Variants in SLC30A10 observed in about 807,000 individuals in gnomAD.
SLC30A10 encodes the protein solute carrier family 30 member 10.
In SLC30A10, 8 loss-of-function variants were observed where a neutral mutation model predicts 21.7. The ratio of observed to expected loss-of-function variants is 0.37; its 90% CI spans 0.22 to 0.67. The LOEUF is 0.67. Ranked by LOEUF, SLC30A10 falls within the 30% of genes least tolerant of loss-of-function variation. The probability of loss-of-function intolerance (pLI) is 0.58; values close to 1 mark genes in which losing one functional copy is unlikely to be tolerated. For missense variants in SLC30A10, 521 were observed against 642.5 expected (o/e 0.81, Z 2.04); for synonymous variants, 272 against 279.4 (o/e 0.97, Z 0.26).
Position 219,928,477 on chromosome 1 carries a change from G to A in SLC30A10, c.-37C>T. On this transcript the variant is annotated 5_prime_UTR_variant, in exon 1 of 4. Coordinates refer to ENST00000366926, the MANE Select transcript of SLC30A10 (RefSeq NM_018713.3). This position sits in a 1 kb window ranked among gnomAD's most constrained non-coding sequence, Gnocchi z 6.3. ...CCCCGGGCGCCCGGCGCCGCCCAGG[G>A]GAGCGCAGCCCACCCCGCGCGCAGC... 6.6e-7 allele frequency: 1 copy of A among 1,512,270 alleles called. No homozygotes were observed. The highest frequency in any genetic ancestry group is 8.8e-7 in the Non-Finnish European group (1 of 1,130,812). 93.7% of individuals were successfully genotyped at this position (1,512,270 alleles called of 1,614,324 possible).
Position 219,917,708 on chromosome 1 carries a change from C to CTTTTTTTT in SLC30A10, c.958+539_958+546dup, listed in dbSNP as rs35106027. On this transcript the variant is annotated intron_variant, in intron 3 of 3. Transcript: ENST00000366926. ...TGCATTCTTTTCTTTTTTTTCTTTC[C>CTTTTTTTT]TTTTTTTTTTTTTTTTTTTTGAGTC... 4.4e-4 allele frequency among the ~76,000 whole-genome samples: 46 copies of CTTTTTTTT among 104,076 alleles called. 2 individuals are homozygous for CTTTTTTTT. The highest frequency in any genetic ancestry group is 1.3e-3 in the African/African-American group (31 of 24,534). 68.3% of individuals were successfully genotyped at this position (104,076 alleles called of 152,430 possible).
chr1:219,922,218 T>G (rs1478733219), intron 2 of SLC30A10, among the ~76,000 whole-genome samples: 13 of 77,094 alleles, frequency 1.7e-4, no homozygotes, highest in African/African-American at 3.3e-4. Flanking sequence ...TTTTTTTTTT[T>G]TTTTTTTTTT....
chr1:219,928,095 C>A lies in SLC30A10; in HGVS notation c.346G>T (p.Val116Leu). The A allele has an allele frequency of 6.3e-7, 1 of 1,583,730 alleles. No homozygotes were observed. Among genetic ancestry groups the A allele is most frequent in the Non-Finnish European group, 8.6e-7 (1 of 1,166,158 alleles). Residue 116 changes from valine (V) to leucine (L), a missense_variant, in exon 1 of 4, where the codon GTG (valine) becomes TTG (leucine). By Grantham distance (32) the Val-to-Leu change is conservative. Transcript: ENST00000366926. This position sits in a 1 kb window ranked among gnomAD's most constrained non-coding sequence, Gnocchi z 6.3. ...RPERIDDPEL[V>L]LIVGVLGLLV... ...AGCCCCAGGACGCCGACGATGAGCA[C>A]CAGCTCGGGGTCATCGATGCGCTCG...
intron 1 of SLC30A10, among the ~76,000 whole-genome samples, chr1:219,945,908 C>A (rs1660181228): frequency 6.6e-6 from 1 of 152,142 alleles, no homozygotes. Flanking sequence ...GGAAAACAAT[C>A]CAGACTGAAA....
At position 219,915,952 on chromosome 1, in the gene SLC30A10, T is replaced by C. The variant is rs766759426; in HGVS notation, c.959-4A>G. The C allele has an allele frequency of 4.4e-6, 7 of 1,607,196 alleles. No homozygotes were observed. In the East Asian group the frequency reaches 1.1e-4, roughly 26 times the overall value. ...GGCACAGCAGAGAGTTTACTCACTA[T>C]AACAGAGAAGAGCAAACAAAAGCCA... On this transcript the variant is annotated splice_polypyrimidine_tract_variant and splice_region_variant and intron_variant, in intron 3 of 3. Coordinates refer to ENST00000366926, the MANE Select transcript of SLC30A10 (RefSeq NM_018713.3).
intron 1 of SLC30A10, among the ~76,000 whole-genome samples, chr1:219,955,957 T>C (rs1194588775): frequency 1.3e-5 from 2 of 152,216 alleles, no homozygotes; most frequent in Non-Finnish European, 2.9e-5. Flanking sequence ...GTTCTTAAAA[T>C]GTGAGCCAAT....
rs77716499 is a variant in SLC30A10 at position 219,910,751 on chromosome 1, G to T, written c.*4698C>A. On this transcript the variant is annotated 3_prime_UTR_variant, in exon 4 of 4. Transcript: ENST00000366926. ...TTGTTCTCATTAGAGTGCAGAGTAG[G>T]TGCAGTGTCTGGCATGGCTTTGTAC... Among the ~76,000 whole-genome samples the T allele has an allele frequency of 0.019, 2,879 of 152,262 alleles. 95 individuals carry two copies. Among genetic ancestry groups the T allele is most frequent in the African/African-American group, 0.065 (2,703 of 41,530 alleles).
upstream of SLC30A10, among the ~76,000 whole-genome samples, chr1:219,933,484 T>A (rs1417622292): frequency 1.3e-5 from 2 of 152,228 alleles, no homozygotes; most frequent in Admixed American, 1.3e-4. Context: ...TGCTTCTCAC[T>A]TGCAACTGCT....
chr1:219,926,031 C>G (rs1659817697), intron 2 of SLC30A10, among the ~76,000 whole-genome samples: 1 of 152,000 alleles, frequency 6.6e-6, no homozygotes, highest in Non-Finnish European at 1.5e-5. Flanking sequence ...ATTACAGATT[C>G]TCTTTTAAAA....
At chr1:219,928,641 G>A (rs1571803585), upstream of SLC30A10, 3 of 514,754 alleles carry the variant, frequency 5.8e-6, no homozygotes, top group African/African-American at 4.1e-5. This position sits in a 1 kb window ranked among gnomAD's most constrained non-coding sequence, Gnocchi z 6.3. Context: ...TAAAGGAGTG[G>A]CGGGGGCAGT....
chr1:219,929,523 C>T (rs922566157), upstream of SLC30A10, among the ~76,000 whole-genome samples: 17 of 133,186 alleles, frequency 1.3e-4, no homozygotes, highest in East Asian at 3.9e-3. Flanking sequence ...CAAATAAAGA[C>T]TCTTTTTTTT....
chr1:219,927,652 A>AC lies in SLC30A10; in HGVS notation c.640+148_640+149insG, dbSNP rs1377419527. 11 of 551,962 alleles carry AC rather than the reference A, an allele frequency of 2.0e-5. 2 individuals are homozygous for AC. Among genetic ancestry groups the AC allele is most frequent in the East Asian group, 4.0e-5 (1 of 25,230 alleles). The allele number at this position is 551,962 out of a possible 1,614,324, so 34.2% of individuals were successfully genotyped here. A position where few individuals can be genotyped will look rare whatever the true frequency, so the allele number is the denominator to read the frequency against. ...AATGGATTTATTAAAAAAAAAAAAAAAAAAAAAAAAAAAAAACAACAACAA... is the reference window on the plus strand; with the variant it reads ...AATGGATTTATTAAAAAAAAAAAAAACAAAAAAAAAAAAAAAACAACAACAA... On this transcript the variant is annotated intron_variant, in intron 1 of 3. Coordinates refer to ENST00000366926, the MANE Select transcript of SLC30A10 (RefSeq NM_018713.3).
intron 2 of SLC30A10, among the ~76,000 whole-genome samples, chr1:219,925,894 C>T (rs988179522): frequency 1.3e-5 from 2 of 151,592 alleles, no homozygotes; most frequent in Non-Finnish European, 2.9e-5. Flanking sequence ...CTCCCGACCT[C>T]AGGTGATCTG....
At position 219,915,722 on chromosome 1, in the gene SLC30A10, G is replaced by C. The variant is rs780212700; in HGVS notation, c.1185C>G (p.Asp395Glu). Residue 395 changes from aspartate to glutamate, a missense_variant, in exon 4 of 4, where the codon GAC becomes GAG. By Grantham distance (45) the Asp-to-Glu change is conservative. Transcript: ENST00000366926. Reference protein sequence around the residue: ...VDLKEPLEQKDLLLLCNSPCI... With the variant: ...VDLKEPLEQKELLLLCNSPCI... ...AGGGTGAGTTGCAGAGCAACAGTAA[G>C]TCCTTCTGCTCCAGGGGTTCCTTCA... 11 of 1,614,104 alleles carry C rather than the reference G, an allele frequency of 6.8e-6. No homozygotes were observed. The highest frequency in any genetic ancestry group is 9.3e-6 in the Non-Finnish European group (11 of 1,180,044).
chr1:219,927,271 C>T, intron 1 of SLC30A10, 166 bp from the exon 2 acceptor site: 1 of 656,460 alleles, frequency 1.5e-6, no homozygotes, highest in Non-Finnish European at 2.6e-6. Flanking sequence ...CTTGAAATAG[C>T]CTTGTGATCC....
Position 219,918,247 on chromosome 1 carries a change from C to G in SLC30A10, c.958+8G>C, listed in dbSNP as rs1261107351. 7 of 1,612,586 alleles carry G rather than the reference C, an allele frequency of 4.3e-6. No individual in the cohort carries two copies. The South Asian group carries it at 4.4e-5, about 10-fold the overall frequency. ...GAGTGGTTCTGGATCAAAATTCAGT[C>G]TACTTACTCAGCTCTTCCATGTTGA... On this transcript the variant is annotated splice_region_variant and intron_variant, in intron 3 of 3. Transcript: ENST00000366926. The surrounding 1 kb of genome is among the most constrained non-coding windows in gnomAD (Gnocchi z 4.4).
intron 1 of SLC30A10, among the ~76,000 whole-genome samples, chr1:219,950,410 T>C (rs1458150471): frequency 3.7e-4 from 56 of 151,160 alleles, no homozygotes; most frequent in African/African-American, 1.3e-3. Context: ...GAGGCCGAGG[T>C]GGGTGGATCA....
chr1:219,937,035 G>A (rs2102540847), intron 1 of SLC30A10, among the ~76,000 whole-genome samples: 1 of 152,186 alleles, frequency 6.6e-6, no homozygotes, highest in African/African-American at 2.4e-5. Context: ...AAAAAAAGAA[G>A]AGCTCTTGGG....
chr1:219,928,345 G>C lies in SLC30A10; in HGVS notation c.96C>G (p.Gly32=), dbSNP rs138123249. ...AGTCGGAGAGCAGCGCGATGGAGTT[G>C]CCCAGGTAGCCGGAGACCAGCTCCG... is the stretch of plus-strand genomic sequence containing the variant. ...FVAELVSGYL[G]NSIALLSDSF... is the part of the protein sequence containing the mutation. Residue 32 remains glycine, a synonymous_variant, in exon 1 of 4, where the codon GGC becomes GGG. Transcript: ENST00000366926. The surrounding 1 kb of genome is among the most constrained non-coding windows in gnomAD (Gnocchi z 6.3). The C allele has an allele frequency of 5.5e-5, 88 of 1,613,204 alleles. No individual in the cohort carries two copies. The highest frequency in any genetic ancestry group is 7.5e-5 in the Non-Finnish European group (88 of 1,179,732).
Sources: gnomAD v4.1 joint callset for allele counts (sites outside exome capture counted in the v4.1 genomes callset) on GRCh38, gnomAD v4.1.1 for gene constraint, Gnocchi (gnomAD v3.1) non-coding constraint, MANE v1.5 for transcripts, NCBI Gene and HGNC (gene_info 2026-07-23, HGNC 2026-07-21) for gene names.